Variants in PLA1A observed in about 807,000 individuals in gnomAD.
The protein encoded by PLA1A is phosphatidylserine-specific phospholipase A1alpha.
A neutral mutation model predicts 49.4 loss-of-function variants in PLA1A; 47 were observed. The observed-to-expected ratio is 0.95, with a 90% confidence interval of 0.75 to 1.21. The LOEUF (loss-of-function observed/expected upper bound fraction) is 1.21. Ranked by LOEUF, PLA1A falls within the 50% of genes most tolerant of loss-of-function variation. PLA1A has a pLI of 0.00. For synonymous variants in PLA1A, 224 were observed against 207.9 expected, an observed-to-expected ratio of 1.08 and a Z score of -0.67; for missense variants, 561 against 563.9, an observed-to-expected ratio of 0.99 and a Z score of 0.05.
At chr3:119,601,953 A>G (rs1014001456) in intron 1 of PLA1A, among the ~76,000 whole-genome samples, 18 of 152,068 alleles carry the variant, frequency 1.2e-4, no homozygotes, top group Admixed American at 9.8e-4. Context: ...CGTGAATTAT[A>G]TTAATACTTT....
At chr3:119,629,293 T>C (rs555692249) in intron 10 of PLA1A, 91 bp from the exon 11 acceptor site, 28 of 803,424 alleles carry the variant, frequency 3.5e-5, no homozygotes, top group Non-Finnish European at 5.6e-5. Context: ...GCAGATTTCT[T>C]TCACCAGACA....
intron 6 of PLA1A, among the ~76,000 whole-genome samples, chr3:119,616,489 C>G (rs755607094): frequency 1.3e-5 from 2 of 152,206 alleles, no homozygotes; most frequent in African/African-American, 2.4e-5. Flanking sequence ...TACATTTCCT[C>G]TCTTTAAATA....
At chr3:119,619,500 G>A in intron 7 of PLA1A, 63 bp from the exon 8 acceptor site, 3 of 1,041,838 alleles carry the variant, frequency 2.9e-6, no homozygotes, top group East Asian at 2.4e-5. Context: ...CACGTGGCTG[G>A]GTGCTGTGGG....
chr3:119,621,329 G>C (rs1456502514), intron 8 of PLA1A, among the ~76,000 whole-genome samples: 1 of 152,230 alleles, frequency 6.6e-6, no homozygotes, highest in Non-Finnish European at 1.5e-5. Flanking sequence ...GCGTAGCCCT[G>C]TTGGTTCCAA....
intron 5 of PLA1A, among the ~76,000 whole-genome samples, chr3:119,613,606 C>T (rs1230184048): frequency 1.3e-5 from 2 of 152,158 alleles, no homozygotes; most frequent in African/African-American, 4.8e-5. Flanking sequence ...AAGAATCTCT[C>T]TTCCGGGCCG....
At chr3:119,626,405 G>A (rs545186212) in intron 9 of PLA1A, among the ~76,000 whole-genome samples, 3 of 152,302 alleles carry the variant, frequency 2.0e-5, no homozygotes, top group Admixed American at 2.0e-4. Flanking sequence ...ATAGAAGACA[G>A]AGTCTGACTG....
chr3:119,598,129 A>G (rs2082566483), intron 1 of PLA1A, 143 bp downstream of exon 1: 1 of 517,586 alleles, frequency 1.9e-6, no homozygotes, highest in Non-Finnish European at 3.5e-6. Flanking sequence ...GTAGGGGAAA[A>G]AAACCCCTTT....
chr3:119,628,798 G>C lies in PLA1A; in HGVS notation c.1219G>C (p.Val407Leu). 4 of 1,614,102 alleles carry C rather than the reference G, an allele frequency of 2.5e-6. No homozygotes were observed. Among genetic ancestry groups the C allele is most frequent in the Non-Finnish European group, 2.5e-6 (3 of 1,179,976 alleles). ...VKFKFQSSNR[V>L]WKKDRTTIIG... ...ATTCAAGTTTCAGTCTTCCAACCGAGTTTGGAAAAAAGACCGGACTACCAT... is the reference window on the plus strand; with the variant it reads ...ATTCAAGTTTCAGTCTTCCAACCGACTTTGGAAAAAAGACCGGACTACCAT... The change falls in exon 10 of 11, where the codon GTT becomes CTT. Residue 407 changes from valine (V) to leucine (L), a missense_variant. Transcript: ENST00000273371.
intron 10 of PLA1A, 60 bp downstream of exon 10, chr3:119,628,925 C>A: frequency 2.2e-6 from 3 of 1,338,784 alleles, no homozygotes; most frequent in Non-Finnish European, 2.1e-6. Flanking sequence ...CCAGTCTTGG[C>A]ATTAGATGTG....
chr3:119,629,642 T>G lies in PLA1A; in HGVS notation c.*174T>G. On this transcript the variant is annotated 3_prime_UTR_variant, in exon 11 of 11. Coordinates refer to ENST00000273371, the MANE Select transcript of PLA1A (RefSeq NM_015900.4). ...CCCTGGAGGGGAGGGAGAACTCATT[T>G]TACAGAACTTGGTTTCCTTTGCCGA... is the stretch of plus-strand genomic sequence containing the variant. The G allele has an allele frequency of 1.7e-6, 1 of 581,446 alleles. No homozygotes were observed. The highest frequency in any genetic ancestry group is 3.1e-6 in the Non-Finnish European group (1 of 326,706). 36.0% of individuals were successfully genotyped at this position (581,446 alleles called of 1,614,324 possible).
rs1208475109 is a variant in PLA1A at position 119,629,799 on chromosome 3, T to C, written c.*331T>C. On this transcript the variant is annotated 3_prime_UTR_variant, in exon 11 of 11. Coordinates refer to ENST00000273371, the MANE Select transcript of PLA1A (RefSeq NM_015900.4). ...ACAATTTTTTAAAAATAAAACTTCA[T>C]GGAGTATCTGAATCATTTAATTGTT... 2 of 258,218 alleles carry C rather than the reference T, an allele frequency of 7.7e-6. No individual in the cohort carries two copies. Among genetic ancestry groups the C allele is most frequent in the Non-Finnish European group, 1.5e-5 (2 of 135,956 alleles). 16.0% of individuals were successfully genotyped at this position (258,218 alleles called of 1,614,324 possible). A position where few individuals can be genotyped will look rare whatever the true frequency, so the allele number is the denominator to read the frequency against.
chr3:119,600,577 A>T (rs1000887063), intron 1 of PLA1A, among the ~76,000 whole-genome samples: 3 of 152,166 alleles, frequency 2.0e-5, no homozygotes, highest in Admixed American at 2.0e-4. Context: ...AGCCTCACCC[A>T]GGCCCAGGCA....
chr3:119,615,741 G>A (rs917349974), intron 5 of PLA1A, among the ~76,000 whole-genome samples: 8 of 152,090 alleles, frequency 5.3e-5, no homozygotes, highest in Admixed American at 6.5e-5. Flanking sequence ...AATCCGGGAG[G>A]CGGAGGTTGC....
chr3:119,600,989 C>T (rs887737424), intron 1 of PLA1A, among the ~76,000 whole-genome samples: 17 of 152,188 alleles, frequency 1.1e-4, no homozygotes, highest in Admixed American at 3.9e-4. Context: ...AGGGGGCCTC[C>T]GCCCTCCTCC....
chr3:119,605,609 T>C (rs2082675888), intron 1 of PLA1A, among the ~76,000 whole-genome samples: 1 of 152,244 alleles, frequency 6.6e-6, no homozygotes, highest in African/African-American at 2.4e-5. Context: ...GTGGCAGCAA[T>C]GCTGTGTGGG....
At chr3:119,626,666 C>T (rs564951741) in intron 9 of PLA1A, among the ~76,000 whole-genome samples, 2 of 152,236 alleles carry the variant, frequency 1.3e-5, no homozygotes, top group South Asian at 2.1e-4. Context: ...AGATATTTCT[C>T]GGGTTGGGAT....
chr3:119,618,378 C>T (rs2082882357), intron 7 of PLA1A, among the ~76,000 whole-genome samples, 192 bp downstream of exon 7: 1 of 152,182 alleles, frequency 6.6e-6, no homozygotes, highest in South Asian at 2.1e-4. Flanking sequence ...CCACCCCTCA[C>T]TCTCTATAGT....
Position 119,628,759 on chromosome 3 carries a change from A to T in PLA1A, c.1180A>T (p.Ile394Leu). The T allele has an allele frequency of 6.2e-7, 1 of 1,614,148 alleles. No homozygotes were observed. The highest frequency in any genetic ancestry group is 2.2e-5 in the East Asian group (1 of 44,884). Residue 394 changes from isoleucine (I) to leucine (L), a missense_variant, in exon 10 of 11, where the codon ATA becomes TTA. By Grantham distance (5) the Ile-to-Leu change is conservative (BLOSUM62 2). Transcript: ENST00000273371. ...AGCCCATGCCACCCCACAATGCCAGATAAACCAAGTGAAATTCAAGTTTCA... is the reference window on the plus strand; with the variant it reads ...AGCCCATGCCACCCCACAATGCCAGTTAAACCAAGTGAAATTCAAGTTTCA... The part of the protein sequence containing the change: ...IIAHATPQCQ[I>L]NQVKFKFQSS...
Position 119,629,514 on chromosome 3 carries a change from T to TTTTTA in PLA1A, c.*46_*47insTTTTA, listed in dbSNP as rs2052596671. ...TCTCCCTGCATTTTTTTTTTTTTTT[T>TTTTTA]GAGAGAGAGGTGTGATGAGGGATGT... On this transcript the variant is annotated 3_prime_UTR_variant, in exon 11 of 11. Coordinates refer to ENST00000273371, the MANE Select transcript of PLA1A (RefSeq NM_015900.4). 2.9e-6 allele frequency: 3 copies of TTTTTA among 1,047,698 alleles called. No individual in the cohort carries two copies. Among genetic ancestry groups the TTTTTA allele is most frequent in the African/African-American group, 1.6e-5 (1 of 63,576 alleles). The allele number at this position is 1,047,698 out of a possible 1,614,324, so 64.9% of individuals were successfully genotyped here. A position where few individuals can be genotyped will look rare whatever the true frequency, so the allele number is the denominator to read the frequency against.
Sources: gnomAD v4.1 joint callset for allele counts (sites outside exome capture counted in the v4.1 genomes callset) on GRCh38, gnomAD v4.1.1 for gene constraint, MANE v1.5 for transcripts, NCBI Gene and HGNC (gene_info 2026-07-23, HGNC 2026-07-21) for gene names.